MRPS22: variants seen among roughly 807,000 people sequenced by gnomAD.
The protein encoded by MRPS22 is mitochondrial ribosomal protein S22.
MRPS22 carries 30 observed loss-of-function variants against 44.0 expected under a neutral mutation model. That is an observed-to-expected ratio of 0.68 (90% CI 0.51 to 0.93). The LOEUF is 0.93. Ranked by LOEUF, MRPS22 falls within the 40% of genes least tolerant of loss-of-function variation. MRPS22 has a pLI of 0.00. For synonymous variants in MRPS22, 165 were observed against 154.4 expected (o/e 1.07, Z -0.51); for missense variants, 447 against 447.8 (o/e 1.00, Z 0.02).
In MRPS22 at chr3:139,347,125, A is replaced by G. The variant is rs543295216; in HGVS notation, c.339+81A>G. The stretch of plus-strand genomic sequence containing the variant: ...TTTCTAGAGGCCCCTCCAGATGCTT[A>G]TAGCTATTCTTCCATAGGCACTAGT... On this transcript the variant is annotated intron_variant, in intron 2 of 7. Coordinates refer to ENST00000680020, the MANE Select transcript of MRPS22 (RefSeq NM_020191.4). The G allele has an allele frequency of 9.5e-6, 14 of 1,467,284 alleles. 1 individual carries two copies. In the South Asian group the frequency reaches 1.4e-4, roughly 14 times the overall value. The allele number at this position is 1,467,284 out of a possible 1,614,324, so 90.9% of individuals were successfully genotyped here.
chr3:139,347,161 A>G (rs1941053811), intron 2 of MRPS22, 117 bp downstream of exon 2: 3 of 1,188,418 alleles, frequency 2.5e-6, no homozygotes, highest in African/African-American at 1.5e-5. Flanking sequence ...GAAAGGTAAT[A>G]CCAGGCATAG....
intron 1 of MRPS22, chr3:139,344,445 G>A: frequency 1.6e-6 from 1 of 616,800 alleles, no homozygotes; most frequent in Non-Finnish European, 2.9e-6. Context: ...GTGGGATATG[G>A]CAAACTAAGA....
intron 5 of MRPS22, chr3:139,352,299 G>A: frequency 4.7e-6 from 1 of 213,508 alleles, no homozygotes; most frequent in South Asian, 8.0e-5. Context: ...TTAAAGACAG[G>A]GTCTTATTCT....
Position 139,357,056 on chromosome 3 carries a change from C to T in MRPS22, c.*42C>T. Reference sequence around the variant, plus strand: ...CATTTATTTTACTAAATACTGACTACATTTCTCTGTTAATATTGAGCTAAA... The same window carrying T: ...CATTTATTTTACTAAATACTGACTATATTTCTCTGTTAATATTGAGCTAAA... On this transcript the variant is annotated 3_prime_UTR_variant, in exon 8 of 8. Transcript: ENST00000680020. 1 of 1,418,014 alleles carries T rather than the reference C, an allele frequency of 7.1e-7. No individual in the cohort carries two copies. The highest frequency in any genetic ancestry group is 9.9e-7 in the Non-Finnish European group (1 of 1,013,610). 87.8% of individuals were successfully genotyped at this position (1,418,014 alleles called of 1,614,324 possible).
chr3:139,356,347 G>A (rs1337028454), intron 7 of MRPS22, among the ~76,000 whole-genome samples: 1 of 152,188 alleles, frequency 6.6e-6, no homozygotes, highest in Non-Finnish European at 1.5e-5. Flanking sequence ...ATATTTTCAG[G>A]AAGGGAAGGG....
At chr3:139,353,567 G>A (rs1941189872) in intron 6 of MRPS22, among the ~76,000 whole-genome samples, 1 of 152,168 alleles carries the variant, frequency 6.6e-6, no homozygotes, top group African/African-American at 2.4e-5. Context: ...ATCCTAACAT[G>A]TAATACAAAC....
chr3:139,356,517 C>T (rs76641541), intron 7 of MRPS22, among the ~76,000 whole-genome samples: 1 of 152,296 alleles, frequency 6.6e-6, no homozygotes, highest in South Asian at 2.1e-4. Flanking sequence ...AACTACAGTA[C>T]TGATTTTCTT....
chr3:139,344,172 C>T lies in MRPS22; in HGVS notation c.146C>T (p.Pro49Leu), dbSNP rs1225996994. The T allele has an allele frequency of 6.2e-7, 1 of 1,611,598 alleles. No homozygotes were observed. Among genetic ancestry groups the T allele is most frequent in the South Asian group, 1.1e-5 (1 of 90,572 alleles). The change falls in exon 1 of 8, where the codon CCA becomes CTA. Residue 49 changes from proline (P) to leucine (L), a missense_variant. Transcript: ENST00000680020. ...CCTTGCTCTTTCGAGATGGGGCTGC[C>T]ACGCCGCCGGTTCAGCTCCGAGGCC... ...PLPCSFEMGL[P>L]RRRFSSEAAE... is the part of the protein sequence containing the mutation.
chr3:139,351,628 G>T (rs911583990), intron 5 of MRPS22: 10 of 166,008 alleles, frequency 6.0e-5, no homozygotes, highest in Non-Finnish European at 1.2e-4. Context: ...TTTGAAGAAA[G>T]CCTTCATAGG....
intron 7 of MRPS22, among the ~76,000 whole-genome samples, chr3:139,356,116 C>T (rs1348353048): frequency 6.6e-6 from 1 of 152,156 alleles, no homozygotes; most frequent in East Asian, 1.9e-4. Context: ...TTCAAGCCAC[C>T]AACAGGACAG....
At chr3:139,346,778 C>T (rs1042001379) in intron 1 of MRPS22, 100 bp from the exon 2 acceptor site, 9 of 1,226,600 alleles carry the variant, frequency 7.3e-6, no homozygotes, top group Admixed American at 3.5e-5. Flanking sequence ...CCAAGGTAGA[C>T]ATTGTGCTAA....
At chr3:139,350,724 C>T (rs1484464381) in intron 4 of MRPS22, 1 of 507,186 alleles carries the variant, frequency 2.0e-6, no homozygotes, top group African/African-American at 1.9e-5. Context: ...GCGTGAGCCA[C>T]CATGCCTGGC....
At position 139,344,046 on chromosome 3, in the gene MRPS22, C is replaced by G; in HGVS notation, c.20C>G (p.Thr7Ser). The G allele has an allele frequency of 6.2e-7, 1 of 1,614,196 alleles. No individual in the cohort carries two copies. Among genetic ancestry groups the G allele is most frequent in the African/African-American group, 1.3e-5 (1 of 75,066 alleles). ...ATAATCATGGCGCCCCTCGGAACAACTGTATTGCTGTGGAGCCTCTTGAGG... is the reference window on the plus strand; with the variant it reads ...ATAATCATGGCGCCCCTCGGAACAAGTGTATTGCTGTGGAGCCTCTTGAGG... The part of the protein sequence containing the change: MAPLGT[T>S]VLLWSLLRSS... The change falls in exon 1 of 8, where the codon ACT (threonine) becomes AGT (serine). Residue 7 changes from threonine to serine, a missense_variant. Coordinates refer to ENST00000680020, the MANE Select transcript of MRPS22 (RefSeq NM_020191.4).
intron 6 of MRPS22, among the ~76,000 whole-genome samples, chr3:139,354,283 T>C (rs1941204722): frequency 6.6e-6 from 1 of 152,216 alleles, no homozygotes; most frequent in Non-Finnish European, 1.5e-5. Context: ...CGAAATATAA[T>C]TTATTTGCTC....
intron 2 of MRPS22, among the ~76,000 whole-genome samples, 166 bp downstream of exon 2, chr3:139,347,210 G>T (rs1228023370): frequency 1.3e-5 from 2 of 152,324 alleles, no homozygotes; most frequent in East Asian, 3.9e-4. Context: ...CCAGAGAGGG[G>T]CAGGGAGCAT....
intron 6 of MRPS22, among the ~76,000 whole-genome samples, chr3:139,354,493 G>A (rs1941208158): frequency 6.6e-6 from 1 of 152,128 alleles, no homozygotes; most frequent in Non-Finnish European, 1.5e-5. Flanking sequence ...ACATTTAGTG[G>A]ACTTTGTTAG....
intron 1 of MRPS22, chr3:139,344,454 G>A: frequency 1.6e-6 from 1 of 613,242 alleles, no homozygotes; most frequent in Non-Finnish European, 2.9e-6. Flanking sequence ...GGCAAACTAA[G>A]ACTGACACAG....
intron 1 of MRPS22, among the ~76,000 whole-genome samples, chr3:139,345,256 T>C (rs1043392019): frequency 2.6e-5 from 4 of 152,176 alleles, no homozygotes; most frequent in Non-Finnish European, 5.9e-5. Flanking sequence ...TAATCTTGAT[T>C]ACATTTTAAA....
At chr3:139,355,966 ACAG>A (rs748852407) in intron 7 of MRPS22, among the ~76,000 whole-genome samples, 176 bp downstream of exon 7, 3 of 152,188 alleles carry the variant, frequency 2.0e-5, no homozygotes, top group Non-Finnish European at 2.9e-5. Context: ...ATAGAAACAG[ACAG>A]GGGAGGGGGG....
Sources: allele counts gnomAD v4.1 joint callset (sites outside exome capture counted in the v4.1 genomes callset), GRCh38; gene constraint gnomAD v4.1.1; transcripts MANE v1.5; gene names NCBI Gene and HGNC (gene_info 2026-07-23, HGNC 2026-07-21).